The following PARD3B variants were observed in gnomAD, a reference collection of about 807,000 sequenced individuals.
The protein encoded by PARD3B is par-3 family cell polarity regulator beta.
A neutral mutation model predicts 130.2 loss-of-function variants in PARD3B; 103 were observed. The observed-to-expected ratio is 0.79, with a 90% CI of 0.67 to 0.93. The LOEUF (loss-of-function observed/expected upper bound fraction) is 0.93. PARD3B is among the 40% of genes least tolerant of loss of function. PARD3B has a pLI of 0.00. For synonymous variants in PARD3B, 583 were observed against 553.2 expected, an observed-to-expected ratio of 1.05 and a Z score of -0.76; for missense variants, 1,609 against 1,499.2, an observed-to-expected ratio of 1.07 and a Z score of -1.21.
At chr2:204,609,792 G>A (rs962936923) in intron 1 of PARD3B, among the ~76,000 whole-genome samples, 1 of 152,040 alleles carries the variant, frequency 6.6e-6, no homozygotes, top group Non-Finnish European at 1.5e-5. Flanking sequence ...ATCTCTTCTA[G>A]ATGCAGGAAA....
At chr2:204,795,330 G>A (rs970797904) in intron 2 of PARD3B, among the ~76,000 whole-genome samples, 6 of 152,130 alleles carry the variant, frequency 3.9e-5, no homozygotes, top group African/African-American at 1.4e-4. Context: ...AAACAGGAAG[G>A]GTCTGTGAGT....
At chr2:204,635,066 A>G (rs1286422030) in intron 1 of PARD3B, among the ~76,000 whole-genome samples, 2 of 152,174 alleles carry the variant, frequency 1.3e-5, no homozygotes, top group South Asian at 2.1e-4. Flanking sequence ...ATTATTCACA[A>G]CACATGAATA....
chr2:205,540,343 C>T (rs2052068700), intron 21 of PARD3B, among the ~76,000 whole-genome samples: 1 of 152,020 alleles, frequency 6.6e-6, no homozygotes, highest in Admixed American at 6.5e-5. Flanking sequence ...TCATATTTCA[C>T]GGGACCTGGG....
At chr2:205,020,326 T>A (rs1316460630) in intron 3 of PARD3B, among the ~76,000 whole-genome samples, 4 of 152,170 alleles carry the variant, frequency 2.6e-5, no homozygotes, top group Non-Finnish European at 5.9e-5. Flanking sequence ...CTTGTATCAT[T>A]CACATTATTT....
chr2:205,420,562 G>A (rs1210373483), intron 19 of PARD3B, among the ~76,000 whole-genome samples: 4 of 152,134 alleles, frequency 2.6e-5, no homozygotes, highest in Admixed American at 2.0e-4. Context: ...TCTGAAAAAG[G>A]CTTTGCTTCA....
intron 2 of PARD3B, among the ~76,000 whole-genome samples, chr2:204,837,816 A>G (rs1201023880): frequency 6.6e-6 from 1 of 152,116 alleles, no homozygotes; most frequent in Non-Finnish European, 1.5e-5. Context: ...GTTTTCTGGA[A>G]TTCTAATGGA....
chr2:205,553,549 C>T, intron 22 of PARD3B, 146 bp downstream of exon 22: 1 of 683,540 alleles, frequency 1.5e-6, no homozygotes, highest in Middle Eastern at 3.8e-4. Flanking sequence ...CTAGTTCCAT[C>T]TTCACAAATG....
chr2:205,155,525 G>T (rs1044590897), intron 10 of PARD3B, among the ~76,000 whole-genome samples: 4 of 151,754 alleles, frequency 2.6e-5, no homozygotes, highest in African/African-American at 9.7e-5. Context: ...TAAAAAAAAT[G>T]AAAATAAAAA....
chr2:205,036,315 A>G lies in PARD3B; in HGVS notation c.395-11266A>G, dbSNP rs369609910. Among the ~76,000 whole-genome samples the G allele has an allele frequency of 2.7e-5, 4 of 147,390 alleles. No individual in the cohort carries two copies. The East Asian group carries it at 7.8e-4, about 29-fold the overall frequency. On this transcript the variant is annotated intron_variant, in intron 3 of 22. Transcript: ENST00000406610. ...GGGCTATATATATAAAAATATATGT[A>G]TATAGTGGGCTATATATATAAAAAT...
At chr2:205,270,079 C>T (rs1045901835) in intron 16 of PARD3B, among the ~76,000 whole-genome samples, 1 of 152,100 alleles carries the variant, frequency 6.6e-6, no homozygotes, top group African/African-American at 2.4e-5. Context: ...TTTCACATTG[C>T]ATGCATGTAT....
At chr2:204,676,109 A>AT (rs199590331) in intron 1 of PARD3B, among the ~76,000 whole-genome samples, 1,797 of 143,750 alleles carry the variant, frequency 0.013, 26 homozygotes, top group African/African-American at 0.044. Flanking sequence ...AATTCCAAGT[A>AT]TTTTTTTTGG....
intron 1 of PARD3B, among the ~76,000 whole-genome samples, chr2:204,552,921 A>T (rs2030570985): frequency 6.6e-6 from 1 of 152,114 alleles, no homozygotes; most frequent in Non-Finnish European, 1.5e-5. Flanking sequence ...ATAGTTTGAA[A>T]TGAGAGCTTT....
intron 2 of PARD3B, among the ~76,000 whole-genome samples, chr2:204,953,422 G>C (rs57480082): frequency 0.21 from 3,151 of 15,324 alleles, 32 homozygotes; most frequent in East Asian, 0.45. Context: ...CACACACACA[G>C]AGAGAGAGAG....
chr2:205,194,776 T>TTTATTA (rs1022582147), intron 15 of PARD3B, among the ~76,000 whole-genome samples: 7 of 151,658 alleles, frequency 4.6e-5, no homozygotes, highest in Admixed American at 2.6e-4. Flanking sequence ...ACATTTTAAT[T>TTTATTA]TTATTATTAT....
At chr2:205,298,291 T>A (rs554047276) in intron 16 of PARD3B, among the ~76,000 whole-genome samples, 1 of 152,292 alleles carries the variant, frequency 6.6e-6, no homozygotes, top group East Asian at 1.9e-4. Context: ...ACTCCAAAGC[T>A]TTTACTATTG....
chr2:204,872,840 T>G (rs1008776632), intron 2 of PARD3B, among the ~76,000 whole-genome samples: 1 of 152,218 alleles, frequency 6.6e-6, no homozygotes, highest in Admixed American at 6.5e-5. Flanking sequence ...GGCTTTACTC[T>G]TGAGTCTTTT....
intron 1 of PARD3B, among the ~76,000 whole-genome samples, chr2:204,568,955 G>GAAAAAA (rs750550877): frequency 3.2e-5 from 4 of 124,466 alleles, no homozygotes; most frequent in African/African-American, 1.2e-4. Context: ...ACTGTCTCAG[G>GAAAAAA]AAAAAAAAAA....
At chr2:204,880,241 T>C (rs2045988645) in intron 2 of PARD3B, among the ~76,000 whole-genome samples, 1 of 152,216 alleles carries the variant, frequency 6.6e-6, no homozygotes, top group Non-Finnish European at 1.5e-5. Context: ...AATTGTTCCC[T>C]ATCTCTGTCT....
chr2:205,413,196 T>G (rs2046658807), intron 19 of PARD3B, among the ~76,000 whole-genome samples: 1 of 152,088 alleles, frequency 6.6e-6, no homozygotes, highest in Non-Finnish European at 1.5e-5. Flanking sequence ...GCCTTCAGAG[T>G]TCCTATAAAA....
Sources: allele counts gnomAD v4.1 joint callset (sites outside exome capture counted in the v4.1 genomes callset), GRCh38; gene constraint gnomAD v4.1.1; transcripts MANE v1.5; gene names NCBI Gene and HGNC (gene_info 2026-07-23, HGNC 2026-07-21).